Variants in BRIP1 observed in about 807,000 individuals in gnomAD.
BRIP1 encodes BRCA1 interacting DNA helicase 1.
BRIP1 carries 88 observed loss-of-function variants against 119.7 expected under a neutral mutation model. That is an observed-to-expected ratio of 0.74 (90% CI 0.62 to 0.88). The LOEUF (loss-of-function observed/expected upper bound fraction) is 0.88, where lower values mean the gene tolerates loss of function less well. BRIP1 is among the 40% of genes least tolerant of loss of function. The pLI, the probability that BRIP1 is intolerant of heterozygous loss-of-function variation, is 0.00. For missense variants in BRIP1, 1,259 were observed against 1,455.4 expected, an observed-to-expected ratio of 0.87 and a Z score of 2.20; for synonymous variants, 443 against 496.5, an observed-to-expected ratio of 0.89 and a Z score of 1.43.
Position 61,734,545 on chromosome 17 carries a change from T to C in BRIP1, c.2379+8468A>G, listed in dbSNP as rs1032955807. 6.6e-6 allele frequency among the ~76,000 whole-genome samples: 1 copy of C among 152,176 alleles called. No homozygotes were observed. Among genetic ancestry groups the C allele is most frequent in the Non-Finnish European group, 1.5e-5 (1 of 68,024 alleles). On this transcript the variant is annotated intron_variant, in intron 16 of 19. Transcript: ENST00000259008. This position sits in a 1 kb window ranked among gnomAD's most constrained non-coding sequence, Gnocchi z 5.2. ...CAACATTTCATAGTGGGTTTCTTTATTTTCAGGTCCCTCAGGTATGTGCAA... is the reference window on the plus strand; with the variant it reads ...CAACATTTCATAGTGGGTTTCTTTACTTTCAGGTCCCTCAGGTATGTGCAA...
In BRIP1 at chr17:61,680,797, G is replaced by T. The variant is rs966074297; in HGVS notation, c.*2499C>A. Among the ~76,000 whole-genome samples, 4 of 152,138 alleles carry T rather than the reference G, an allele frequency of 2.6e-5. No homozygotes were observed. The highest frequency in any genetic ancestry group is 9.7e-5 in the African/African-American group (4 of 41,422). On this transcript the variant is annotated 3_prime_UTR_variant, in exon 20 of 20. Coordinates refer to ENST00000259008, the MANE Select transcript of BRIP1 (RefSeq NM_032043.3). ...CCTGGCCCTAAAGGTAATTTTAAAA[G>T]TCCTCAAAATGTTTTAATTGTAGCA...
rs746909757 is a variant in BRIP1 at position 61,857,445 on chromosome 17, T to C, written c.206-214A>G. Among the ~76,000 whole-genome samples the C allele has an allele frequency of 4.6e-5, 7 of 152,152 alleles. No homozygotes were observed. Among genetic ancestry groups the C allele is most frequent in the Non-Finnish European group, 1.0e-4 (7 of 68,018 alleles). ...GAGAAATAAGCCAAAAACATTTGGT[T>C]GGACACAGTGGCTCACGCCTGTTAT... is the stretch of plus-strand genomic sequence containing the variant. On this transcript the variant is annotated intron_variant, in intron 3 of 19. Transcript: ENST00000259008. This position sits in a 1 kb window ranked among gnomAD's most constrained non-coding sequence, Gnocchi z 5.1.
rs1287991833 is a variant in BRIP1 at position 61,774,788 on chromosome 17, A to G, written c.2097+1613T>C. Among the ~76,000 whole-genome samples the G allele has an allele frequency of 6.6e-6, 1 of 152,202 alleles. No individual in the cohort carries two copies. The highest frequency in any genetic ancestry group is 2.4e-5 in the African/African-American group (1 of 41,440). ...TAATCTATTCATTTTGCTAATATATATACAGTCACTAAAAAGTTATTTCAA... is the reference window on the plus strand; with the variant it reads ...TAATCTATTCATTTTGCTAATATATGTACAGTCACTAAAAAGTTATTTCAA... On this transcript the variant is annotated intron_variant, in intron 14 of 19. Transcript: ENST00000259008. The surrounding 1 kb of genome is among the most constrained non-coding windows in gnomAD (Gnocchi z 5.8).
intron 16 of BRIP1, among the ~76,000 whole-genome samples, chr17:61,721,921 G>T (rs1426742233): frequency 6.7e-6 from 1 of 149,794 alleles, no homozygotes; most frequent in Non-Finnish European, 1.5e-5. Flanking sequence ...TAAAAACAGG[G>T]TTTCACCATG....
intron 6 of BRIP1, among the ~76,000 whole-genome samples, chr17:61,840,632 T>TA (rs2078645274): frequency 6.6e-6 from 1 of 151,750 alleles, no homozygotes; most frequent in Admixed American, 6.6e-5. Flanking sequence ...ACCAAATAAA[T>TA]AAAATGAAAA....
At chr17:61,772,193 ATATATATATATATAT>A (rs2077463237) in intron 14 of BRIP1, among the ~76,000 whole-genome samples, 1 of 99,150 alleles carries the variant, frequency 1.0e-5, no homozygotes, top group African/African-American at 3.3e-5. Flanking sequence ...ATATATATAT[ATATATATATATATAT>A]AAAATGAAAT....
intron 16 of BRIP1, among the ~76,000 whole-genome samples, chr17:61,723,297 CAA>C (rs984886187): frequency 2.6e-5 from 4 of 152,186 alleles, no homozygotes; most frequent in Non-Finnish European, 4.4e-5. Context: ...GTTGAAATGT[CAA>C]AAGACAACCT....
intron 10 of BRIP1, among the ~76,000 whole-genome samples, chr17:61,786,241 G>A (rs2077705182): frequency 6.6e-6 from 1 of 151,948 alleles, no homozygotes; most frequent in African/African-American, 2.4e-5. Flanking sequence ...GTGTGTGAGT[G>A]TGTGCGTGTC....
Position 61,861,608 on chromosome 17 carries a change from C to T in BRIP1, c.-30-39G>A. 1 of 1,199,998 alleles carries T rather than the reference C, an allele frequency of 8.3e-7. No homozygotes were observed. The highest frequency in any genetic ancestry group is 1.2e-6 in the Non-Finnish European group (1 of 807,056). The allele number at this position is 1,199,998 out of a possible 1,614,324, so 74.3% of individuals were successfully genotyped here. A position where few individuals can be genotyped will look rare whatever the true frequency, so the allele number is the denominator to read the frequency against. ...GAAAATGTCAAATATTGAGACACGC[C>T]TTACAAAGAAAACCAGAGAACCAAA... is the stretch of plus-strand genomic sequence containing the variant. On this transcript the variant is annotated intron_variant, in intron 1 of 19. Transcript: ENST00000259008. This position sits in a 1 kb window ranked among gnomAD's most constrained non-coding sequence, Gnocchi z 4.5.
In BRIP1 at chr17:61,774,829, T is replaced by A. The variant is rs1245094709; in HGVS notation, c.2097+1572A>T. ...GTTATTTCAATGTTATAGTCTCTAG[T>A]CACCCAATTATAAATGTCTGTAACT... On this transcript the variant is annotated intron_variant, in intron 14 of 19. Transcript: ENST00000259008. This position sits in a 1 kb window ranked among gnomAD's most constrained non-coding sequence, Gnocchi z 5.8. 6.6e-6 allele frequency among the ~76,000 whole-genome samples: 1 copy of A among 152,198 alleles called. No homozygotes were observed. The highest frequency in any genetic ancestry group is 6.5e-5 in the Admixed American group (1 of 15,278).
At chr17:61,712,956 A>G (rs1603291969) in intron 17 of BRIP1, among the ~76,000 whole-genome samples, 1 of 152,170 alleles carries the variant, frequency 6.6e-6, no homozygotes, top group Admixed American at 6.5e-5. Context: ...GCATTTACAA[A>G]TTAGATGTTG....
In BRIP1 at chr17:61,683,695, T is replaced by C. The variant is rs2144079200; in HGVS notation, c.3351A>G (p.Ser1117=). 3.1e-6 allele frequency: 5 copies of C among 1,614,004 alleles called. No homozygotes were observed. The highest frequency in any genetic ancestry group is 4.2e-6 in the Non-Finnish European group (5 of 1,179,990). Residue 1117 remains serine, a synonymous_variant, in exon 20 of 20, where the codon TCA becomes TCG. Coordinates refer to ENST00000259008, the MANE Select transcript of BRIP1 (RefSeq NM_032043.3). The surrounding 1 kb of genome is among the most constrained non-coding windows in gnomAD (Gnocchi z 4.7). ...CTGCTTCTGTTTCAAAATCTCTATT[T>C]GAAGTGGACTGTTTATCTTCTTCAC... The part of the protein sequence containing the change: ...LVSEEDKQST[S]NRDFETEAED...
chr17:61,766,592 A>C (rs2077377506), intron 14 of BRIP1, among the ~76,000 whole-genome samples: 1 of 152,134 alleles, frequency 6.6e-6, no homozygotes, highest in Admixed American at 6.6e-5. Flanking sequence ...ACCAAAACAA[A>C]CTAGTAGCAC....
chr17:61,847,679 T>C (rs546662213), intron 5 of BRIP1, among the ~76,000 whole-genome samples: 1 of 152,360 alleles, frequency 6.6e-6, no homozygotes, highest in Non-Finnish European at 1.5e-5. Flanking sequence ...ACTCGATTAC[T>C]ATTATCACTG....
In BRIP1 at chr17:61,690,966, C is replaced by T. The variant is rs900660369; in HGVS notation, c.2575+2464G>A. Among the ~76,000 whole-genome samples the T allele has an allele frequency of 1.3e-5, 2 of 151,872 alleles. No homozygotes were observed. Among genetic ancestry groups the T allele is most frequent in the African/African-American group, 4.8e-5 (2 of 41,326 alleles). Reference sequence around the variant, plus strand: ...GAATGAAGCTGGAAACCATCATTCTCAGCACACTACCGCAAGGACAGAAAA... The same window carrying T: ...GAATGAAGCTGGAAACCATCATTCTTAGCACACTACCGCAAGGACAGAAAA... On this transcript the variant is annotated intron_variant, in intron 18 of 19. Transcript: ENST00000259008. The surrounding 1 kb of genome is among the most constrained non-coding windows in gnomAD (Gnocchi z 5.6).
rs999552154 is a variant in BRIP1 at position 61,842,640 on chromosome 17, G to A, written c.627+4461C>T. Reference sequence around the variant, plus strand: ...CTACAAATATGTAATATTATTAGTCGGTATTATATAGAATCTTTTATCAGC... The same window carrying A: ...CTACAAATATGTAATATTATTAGTCAGTATTATATAGAATCTTTTATCAGC... On this transcript the variant is annotated intron_variant, in intron 6 of 19. Coordinates refer to ENST00000259008, the MANE Select transcript of BRIP1 (RefSeq NM_032043.3). This position sits in a 1 kb window ranked among gnomAD's most constrained non-coding sequence, Gnocchi z 5.1. Among the ~76,000 whole-genome samples, 4 of 151,964 alleles carry A rather than the reference G, an allele frequency of 2.6e-5. No individual in the cohort carries two copies. The highest frequency in any genetic ancestry group is 3.9e-4 in the East Asian group (2 of 5,188).
chr17:61,764,118 A>T (rs1006792548), intron 14 of BRIP1, among the ~76,000 whole-genome samples: 2 of 152,198 alleles, frequency 1.3e-5, no homozygotes, highest in Non-Finnish European at 2.9e-5. Flanking sequence ...AGGCAAACTG[A>T]TGGACTACAG....
In BRIP1 at chr17:61,713,882, A is replaced by C. The variant is rs1033955874; in HGVS notation, c.2492+2069T>G. Among the ~76,000 whole-genome samples, 2 of 152,238 alleles carry C rather than the reference A, an allele frequency of 1.3e-5. No individual in the cohort carries two copies. The highest frequency in any genetic ancestry group is 2.9e-5 in the Non-Finnish European group (2 of 68,006). ...AAAATAAAAAATAAAAATTTCAAAA[A>C]TAGAAAAAGCTTATAGAATAAGGAT... On this transcript the variant is annotated intron_variant, in intron 17 of 19. Coordinates refer to ENST00000259008, the MANE Select transcript of BRIP1 (RefSeq NM_032043.3). This position sits in a 1 kb window ranked among gnomAD's most constrained non-coding sequence, Gnocchi z 4.9.
At chr17:61,836,409 C>A (rs191240610) in intron 6 of BRIP1, among the ~76,000 whole-genome samples, 4 of 152,186 alleles carry the variant, frequency 2.6e-5, no homozygotes, top group African/African-American at 9.6e-5. Context: ...AGCCATCATG[C>A]CTGGCCAAAA....
Sources: allele counts gnomAD v4.1 joint callset (sites outside exome capture counted in the v4.1 genomes callset), GRCh38; gene constraint gnomAD v4.1.1; non-coding constraint Gnocchi (gnomAD v3.1); transcripts MANE v1.5; gene names NCBI Gene and HGNC (gene_info 2026-07-23, HGNC 2026-07-21).